Variants in NHSL1 observed in about 807,000 individuals in gnomAD.
The protein encoded by NHSL1 is NHS-like protein 1.
In NHSL1, 48 loss-of-function variants were observed where a neutral mutation model predicts 95.0. That is an observed-to-expected ratio of 0.51 (90% CI 0.40 to 0.64). The LOEUF (loss-of-function observed/expected upper bound fraction) is 0.64. NHSL1 is among the 30% of genes least tolerant of loss of function. The pLI is 0.00. For missense variants in NHSL1, 1,971 were observed against 2,077.7 expected (o/e 0.95, Z 1.00); for synonymous variants, 783 against 833.9 (o/e 0.94, Z 1.05).
Position 138,432,356 on chromosome 6 carries a change from G to C in NHSL1, c.1989C>G (p.Ile663Met). Residue 663 changes from isoleucine to methionine, a missense_variant, in exon 6 of 8, where the codon ATC becomes ATG. By Grantham distance (10) the Ile-to-Met change is conservative. Transcript: ENST00000343505. The surrounding 1 kb of genome is among the most constrained non-coding windows in gnomAD (Gnocchi z 4.4). Reference sequence around the variant, plus strand: ...GAGGCTTCTTTGCTTTCTTCAAAGAGATGTTTCTTGATAGGGATTTATCCT... The same window carrying C: ...GAGGCTTCTTTGCTTTCTTCAAAGACATGTTTCTTGATAGGGATTTATCCT... The part of the protein sequence containing the change: ...NYQDKSLSRN[I>M]SLKKAKKPPL... 2 of 1,551,728 alleles carry C rather than the reference G, an allele frequency of 1.3e-6. No individual in the cohort carries two copies. The highest frequency in any genetic ancestry group is 2.4e-5 in the East Asian group (1 of 40,910).
chr6:138,450,960 C>G (rs1169768205), intron 3 of NHSL1, among the ~76,000 whole-genome samples: 1 of 152,192 alleles, frequency 6.6e-6, no homozygotes, highest in African/African-American at 2.4e-5. Context: ...TTAACTACCC[C>G]CACTTTTCTG....
intron 2 of NHSL1, among the ~76,000 whole-genome samples, chr6:138,481,570 G>A (rs562156883): frequency 6.6e-6 from 1 of 152,226 alleles, no homozygotes; most frequent in East Asian, 1.9e-4. Flanking sequence ...GAGGTGAAAA[G>A]CTGTTTTAAA....
chr6:138,570,531 G>A (rs1385462993), intron 1 of NHSL1, among the ~76,000 whole-genome samples: 1 of 152,134 alleles, frequency 6.6e-6, no homozygotes, highest in African/African-American at 2.4e-5. Context: ...TGATCACCTT[G>A]TTGATACAAT....
At chr6:138,604,868 C>T (rs919960729) in intron 1 of NHSL1, among the ~76,000 whole-genome samples, 1 of 152,040 alleles carries the variant, frequency 6.6e-6, no homozygotes, top group African/African-American at 2.4e-5. Context: ...TCAAGTGATC[C>T]GCCCGCCTCA....
At chr6:138,609,632 C>A (rs1784481619) in intron 1 of NHSL1, among the ~76,000 whole-genome samples, 1 of 151,338 alleles carries the variant, frequency 6.6e-6, no homozygotes, top group African/African-American at 2.4e-5. Flanking sequence ...CACCTGTAGT[C>A]CCAGCTATTC....
intron 5 of NHSL1, among the ~76,000 whole-genome samples, chr6:138,437,876 G>T (rs549807588): frequency 6.6e-6 from 1 of 152,314 alleles, no homozygotes; most frequent in South Asian, 2.1e-4. Flanking sequence ...AGATGTGGCT[G>T]AATTGCTGCA....
In NHSL1 at chr6:138,692,496, T is replaced by C. The variant is rs879283049; in HGVS notation, c.77A>G (p.Asp26Gly). The C allele has an allele frequency of 3.5e-5, 7 of 199,578 alleles. No homozygotes were observed. The highest frequency in any genetic ancestry group is 1.4e-4 in the African/African-American group (6 of 41,814). The allele number at this position is 199,578 out of a possible 1,614,324, so 12.4% of individuals were successfully genotyped here. Residue 26 changes from aspartate (D) to glycine (G), a missense_variant, in exon 1 of 4, where the codon GAC becomes GGC. Coordinates refer to the NHSL1 transcript ENST00000491526. The surrounding 1 kb of genome is among the most constrained non-coding windows in gnomAD (Gnocchi z 4.0). Reference sequence around the variant, plus strand: ...CTCACGGATTTTCACTCGGCGGTGGTCCAGGCGCGCAGCGGCGGCTTGCAG... The same window carrying C: ...CTCACGGATTTTCACTCGGCGGTGGCCCAGGCGCGCAGCGGCGGCTTGCAG...
At chr6:138,669,352 C>T (rs1227371208) in intron 1 of NHSL1, among the ~76,000 whole-genome samples, 1 of 152,066 alleles carries the variant, frequency 6.6e-6, no homozygotes, top group Non-Finnish European at 1.5e-5. Flanking sequence ...CCATAACAGA[C>T]GGGTGACTTG....
At chr6:138,590,700 A>C (rs1784211889) in intron 1 of NHSL1, among the ~76,000 whole-genome samples, 1 of 152,042 alleles carries the variant, frequency 6.6e-6, no homozygotes, top group African/African-American at 2.4e-5. Flanking sequence ...TACCCTCTCC[A>C]TTGGGAGAAT....
intron 1 of NHSL1, among the ~76,000 whole-genome samples, chr6:138,649,697 A>T (rs1229239192): frequency 6.6e-6 from 1 of 152,198 alleles, no homozygotes; most frequent in Non-Finnish European, 1.5e-5. Flanking sequence ...ATATAAAAAG[A>T]GTAGTGTTGA....
rs1453867543 is a variant in NHSL1 at position 138,643,454 on chromosome 6, A to G, written c.96+49022T>C. On this transcript the variant is annotated intron_variant, in intron 1 of 3. Transcript: ENST00000491526. ...TGGTGTTGACATTTTATGTGTCTGG[A>G]CAAATACATAATAATGTGTATCCAC... is the stretch of plus-strand genomic sequence containing the variant. 2.0e-5 allele frequency among the ~76,000 whole-genome samples: 3 copies of G among 152,178 alleles called. No homozygotes were observed. The East Asian group carries it at 5.8e-4, about 29-fold the overall frequency.
chr6:138,484,286 G>A (rs1779595521), intron 2 of NHSL1, among the ~76,000 whole-genome samples: 2 of 152,162 alleles, frequency 1.3e-5, no homozygotes, highest in Admixed American at 6.5e-5. Flanking sequence ...GGAGTAAGAT[G>A]TAAGAGAGGA....
chr6:138,470,336 C>A (rs1778669841), intron 3 of NHSL1, among the ~76,000 whole-genome samples: 2 of 152,184 alleles, frequency 1.3e-5, no homozygotes, highest in South Asian at 4.1e-4. Flanking sequence ...GTTGCCCAGG[C>A]TGGAGTGCAG....
intron 1 of NHSL1, among the ~76,000 whole-genome samples, chr6:138,652,026 AT>A: frequency 6.6e-6 from 1 of 152,316 alleles, no homozygotes. Context: ...CAATAATTTT[AT>A]GTTCTGGTTG....
intron 1 of NHSL1, among the ~76,000 whole-genome samples, chr6:138,612,109 C>CAAAAA (rs368848438): frequency 8.2e-5 from 6 of 73,384 alleles, no homozygotes; most frequent in African/African-American, 9.9e-5. Context: ...GACTCCATCT[C>CAAAAA]AAAAAAAAAA....
intron 1 of NHSL1, among the ~76,000 whole-genome samples, chr6:138,676,347 G>A (rs573514503): frequency 2.0e-5 from 3 of 152,056 alleles, no homozygotes; most frequent in Admixed American, 2.0e-4. Context: ...TTAAGGTCCA[G>A]TCCTTTATTC....
At chr6:138,459,079 C>A (rs138058873) in intron 3 of NHSL1, among the ~76,000 whole-genome samples, 1 of 152,268 alleles carries the variant, frequency 6.6e-6, no homozygotes, top group African/African-American at 2.4e-5. Flanking sequence ...TCACAGCAAC[C>A]TCCACCTCCT....
chr6:138,517,275 T>C (rs532147742), intron 1 of NHSL1, among the ~76,000 whole-genome samples: 16 of 152,334 alleles, frequency 1.1e-4, no homozygotes, highest in African/African-American at 2.6e-4. Context: ...TCTGGATGAA[T>C]ATTTCAGTTC....
In NHSL1 at chr6:138,434,770, A is replaced by G. The variant is rs187714433; in HGVS notation, c.665-1090T>C. 1.7e-3 allele frequency among the ~76,000 whole-genome samples: 266 copies of G among 152,262 alleles called. 2 individuals carry two copies. The highest frequency in any genetic ancestry group is 6.1e-3 in the African/African-American group (254 of 41,554). ...GTGGACACCTGGATGCGACCCTAGG[A>G]CTGATGGGGTTTCTAAGGCTTCCCT... On this transcript the variant is annotated intron_variant, in intron 5 of 7. Coordinates refer to ENST00000343505, the MANE Select transcript of NHSL1 (RefSeq NM_001144060.2).
Sources: gnomAD v4.1 joint callset for allele counts (sites outside exome capture counted in the v4.1 genomes callset) on GRCh38, gnomAD v4.1.1 for gene constraint, Gnocchi (gnomAD v3.1) non-coding constraint, MANE v1.5 for transcripts, NCBI Gene and HGNC (gene_info 2026-07-23, HGNC 2026-07-21) for gene names.